Variants in AEBP2 observed in about 807,000 individuals in gnomAD.
AEBP2 encodes the protein AE binding protein 2.
Under a neutral mutation model 50.8 loss-of-function variants are expected in AEBP2, and 10 were observed. The ratio of observed to expected loss-of-function variants is 0.20; its 90% CI spans 0.12 to 0.33. The LOEUF (loss-of-function observed/expected upper bound fraction) is 0.33. AEBP2 is among the 10% of genes least tolerant of loss of function. AEBP2 has a pLI of 1.00. For synonymous variants in AEBP2, 296 were observed against 261.3 expected, an observed-to-expected ratio of 1.13 and a Z score of -1.28; for missense variants, 570 against 688.0, an observed-to-expected ratio of 0.83 and a Z score of 1.92.
At chr12:19,483,012 C>G (rs376122190) in intron 3 of AEBP2, among the ~76,000 whole-genome samples, 2 of 152,180 alleles carry the variant, frequency 1.3e-5, no homozygotes, top group Non-Finnish European at 2.9e-5. Flanking sequence ...CGCCCCTCCC[C>G]GTCTGCCTAC....
At chr12:19,464,408 G>A (rs1307284799) in intron 2 of AEBP2, among the ~76,000 whole-genome samples, 1 of 152,052 alleles carries the variant, frequency 6.6e-6, no homozygotes, top group Non-Finnish European at 1.5e-5. Context: ...CTATTTGGAA[G>A]ATCACTGGGC....
At chr12:19,447,764 A>C (rs1948099286) in intron 1 of AEBP2, among the ~76,000 whole-genome samples, 1 of 152,234 alleles carries the variant, frequency 6.6e-6, no homozygotes, top group African/African-American at 2.4e-5. Context: ...TCAGTATTGT[A>C]GTCTTGACTT....
At chr12:19,483,195 T>G (rs1429856181) in intron 3 of AEBP2, among the ~76,000 whole-genome samples, 2 of 152,098 alleles carry the variant, frequency 1.3e-5, no homozygotes, top group Non-Finnish European at 2.9e-5. Context: ...AGTACCCTTG[T>G]GAGATATAGT....
chr12:19,498,601 C>T (rs11613354), intron 4 of AEBP2, among the ~76,000 whole-genome samples: 10,123 of 152,152 alleles, frequency 0.067, 440 homozygotes, highest in South Asian at 0.2. Flanking sequence ...ATCAAGCCAA[C>T]TCTTTTATTA....
intron 2 of AEBP2, among the ~76,000 whole-genome samples, chr12:19,468,520 G>C (rs1449852911): frequency 6.6e-6 from 1 of 152,046 alleles, no homozygotes; most frequent in African/African-American, 2.4e-5. Flanking sequence ...TTTTGCAGTG[G>C]ATTTTTCATT....
At chr12:19,444,261 G>T (rs1356851068) in intron 1 of AEBP2, among the ~76,000 whole-genome samples, 1 of 152,176 alleles carries the variant, frequency 6.6e-6, no homozygotes, top group African/African-American at 2.4e-5. Flanking sequence ...TCCAAAAAGT[G>T]ATCAAATGTC....
intron 1 of AEBP2, among the ~76,000 whole-genome samples, chr12:19,431,093 G>A (rs1192827620): frequency 1.3e-5 from 2 of 151,786 alleles, no homozygotes; most frequent in Non-Finnish European, 2.9e-5. Flanking sequence ...TAGATATACA[G>A]GCAAGTAAAG....
chr12:19,491,912 C>T (rs1009333985), intron 3 of AEBP2, among the ~76,000 whole-genome samples: 1 of 152,100 alleles, frequency 6.6e-6, no homozygotes, highest in African/African-American at 2.4e-5. Context: ...AGCTCTTGTC[C>T]ATTTGTGGCA....
chr12:19,480,568 A>G lies in AEBP2; in HGVS notation c.987+7213A>G, dbSNP rs530070187. On this transcript the variant is annotated intron_variant, in intron 3 of 7. Transcript: ENST00000266508. ...ATGAAGCTTAGTTTTGCTGGATACA[A>G]TATTCTTGGCTGATAATTATTGTTT... Among the ~76,000 whole-genome samples the G allele has an allele frequency of 7.2e-5, 11 of 152,304 alleles. No homozygotes were observed. The South Asian group carries it at 1.7e-3, about 23-fold the overall frequency.
Position 19,514,706 on chromosome 12 carries a change from A to G in AEBP2, c.1403A>G (p.His468Arg), listed in dbSNP as rs1197206742. 2 of 1,610,936 alleles carry G rather than the reference A, an allele frequency of 1.2e-6. No homozygotes were observed. Among genetic ancestry groups the G allele is most frequent in the African/African-American group, 1.3e-5 (1 of 75,018 alleles). ...PDVWVNESER[H>R]QLKTKVVHLS... ...GTGTGGGTGAATGAAAGTGAACGAC[A>G]TCAGTTAAAAACTAAAGTAGTTCAT... is the stretch of plus-strand genomic sequence containing the variant. Residue 468 changes from histidine (H) to arginine (R), a missense_variant, in exon 7 of 8, where the codon CAT becomes CGT. Transcript: ENST00000266508.
chr12:19,471,375 C>T (rs1441184587), intron 2 of AEBP2, among the ~76,000 whole-genome samples: 3 of 151,820 alleles, frequency 2.0e-5, no homozygotes, highest in African/African-American at 7.3e-5. Context: ...CCTTGGCCTT[C>T]CAAAGTGCTG....
chr12:19,518,676 A>T lies in AEBP2; in HGVS notation c.*559A>T, dbSNP rs1949354675. 3 of 1,476,846 alleles carry T rather than the reference A, an allele frequency of 2.0e-6. No homozygotes were observed. The highest frequency in any genetic ancestry group is 2.7e-6 in the Non-Finnish European group (3 of 1,094,116). The allele number at this position is 1,476,846 out of a possible 1,614,324, so 91.5% of individuals were successfully genotyped here. ...GTTGCCATTTGTGTTCTTTTGCAGAACTCTGATAAGAAAAGTGTTCAATTT... is the reference window on the plus strand; with the variant it reads ...GTTGCCATTTGTGTTCTTTTGCAGATCTCTGATAAGAAAAGTGTTCAATTT... On this transcript the variant is annotated 3_prime_UTR_variant, in exon 8 of 8. Transcript: ENST00000266508.
chr12:19,462,944 A>G lies in AEBP2; in HGVS notation c.879+227A>G, dbSNP rs71530936. Among the ~76,000 whole-genome samples, 437 of 152,322 alleles carry G rather than the reference A, an allele frequency of 2.9e-3. 2 individuals carry two copies. Among genetic ancestry groups the G allele is most frequent in the African/African-American group, 7.9e-3 (329 of 41,570 alleles). On this transcript the variant is annotated intron_variant, in intron 2 of 7. Coordinates refer to ENST00000266508, the MANE Select transcript of AEBP2 (RefSeq NM_153207.5). ...TTTTTAGATACGTTATTTTGAAGAA[A>G]TTAGACTTTTAAAAGTATAGTAGGT...
At chr12:19,444,562 A>C (rs968680856) in intron 1 of AEBP2, among the ~76,000 whole-genome samples, 1 of 152,218 alleles carries the variant, frequency 6.6e-6, no homozygotes, top group Non-Finnish European at 1.5e-5. Context: ...ACCTGGCGCA[A>C]ATCTTAATAT....
At chr12:19,456,788 TG>T in intron 1 of AEBP2, 1 of 1,575,538 alleles carries the variant, frequency 6.3e-7, no homozygotes, top group Non-Finnish European at 8.7e-7. Flanking sequence ...TAATGTTGAC[TG>T]GAGCAAAGGT....
At position 19,519,180 on chromosome 12, in the gene AEBP2, A is replaced by G. The variant is rs1004512596; in HGVS notation, c.*1063A>G. ...TAGTATTGTATTAAACAAATGTTGC[A>G]TAGAGATAATAGAACATTGCTTGTA... On this transcript the variant is annotated 3_prime_UTR_variant, in exon 8 of 8. Transcript: ENST00000266508. The G allele has an allele frequency of 2.0e-5, 3 of 152,552 alleles. No individual in the cohort carries two copies. The highest frequency in any genetic ancestry group is 1.9e-4 in the East Asian group (1 of 5,196). 9.4% of individuals were successfully genotyped at this position (152,552 alleles called of 1,614,324 possible).
intron 1 of AEBP2, among the ~76,000 whole-genome samples, chr12:19,416,439 CTTG>C: frequency 6.6e-6 from 1 of 151,154 alleles, no homozygotes; most frequent in South Asian, 2.1e-4. Context: ...GAGTTTCACT[CTTG>C]TCACCCAGGC....
chr12:19,412,096 C>T (rs2095739515), intron 1 of AEBP2, among the ~76,000 whole-genome samples: 1 of 152,322 alleles, frequency 6.6e-6, no homozygotes, highest in Non-Finnish European at 1.5e-5. Flanking sequence ...TGCAGCTGCT[C>T]TCAGCAGGGC....
chr12:19,462,451 G>A (rs1948396201), intron 1 of AEBP2, 59 bp from the exon 2 acceptor site: 1 of 1,349,668 alleles, frequency 7.4e-7, no homozygotes, highest in East Asian at 2.5e-5. Context: ...ATATTTATAA[G>A]ATCATATTCA....
Sources: gnomAD v4.1 joint callset for allele counts (sites outside exome capture counted in the v4.1 genomes callset) on GRCh38, gnomAD v4.1.1 for gene constraint, MANE v1.5 for transcripts, NCBI Gene and HGNC (gene_info 2026-07-23, HGNC 2026-07-21) for gene names.